PRRG2: variants seen among roughly 807,000 people sequenced by gnomAD.
PRRG2 encodes proline rich and Gla domain 2.
A neutral mutation model predicts 27.1 loss-of-function variants in PRRG2; 23 were observed. That is an observed-to-expected ratio of 0.85 (90% CI 0.61 to 1.20). The LOEUF is 1.20. Among genes scored for constraint, PRRG2 ranks in the 50% most tolerant of loss-of-function variants. The probability of loss-of-function intolerance (pLI) is 0.00; values close to 1 mark genes in which losing one functional copy is unlikely to be tolerated. For synonymous variants in PRRG2, 104 were observed against 103.4 expected, an observed-to-expected ratio of 1.01 and a Z score of -0.03; for missense variants, 276 against 254.8, an observed-to-expected ratio of 1.08 and a Z score of -0.57.
chr19:49,584,054 G>A (rs1160660256), intron 4 of PRRG2, 102 bp downstream of exon 4: 23 of 1,262,244 alleles, frequency 1.8e-5, no homozygotes, highest in Middle Eastern at 2.5e-4. Context: ...TACAAGAATC[G>A]TCTGCCCCCC....
rs773545194 is a variant in PRRG2 at position 49,590,409 on chromosome 19, G to T, written c.*20G>T. Reference sequence around the variant, plus strand: ...CACTGAAGAGCTGCTTTCGAGACCCGGCTCTCCGAACCGTGCCCCTGATTC... The same window carrying T: ...CACTGAAGAGCTGCTTTCGAGACCCTGCTCTCCGAACCGTGCCCCTGATTC... On this transcript the variant is annotated 3_prime_UTR_variant, in exon 7 of 7. Coordinates refer to ENST00000246794, the MANE Select transcript of PRRG2 (RefSeq NM_000951.3). 6.2e-7 allele frequency: 1 copy of T among 1,614,060 alleles called. No individual in the cohort carries two copies. The highest frequency in any genetic ancestry group is 1.7e-5 in the Admixed American group (1 of 60,000).
At chr19:49,588,461 C>T in intron 4 of PRRG2, 36 bp from the exon 5 acceptor site, 1 of 1,567,750 alleles carries the variant, frequency 6.4e-7, no homozygotes. Flanking sequence ...GTGGCAGTCC[C>T]CGAGACAGTG....
In PRRG2 at chr19:49,590,460, C is replaced by T. The variant is rs1455398180; in HGVS notation, c.*71C>T. ...ATACCGGATTCCGGAAGCCGCTAGG[C>T]CTCATAGACGCCGAAGCTGGACTTG... On this transcript the variant is annotated 3_prime_UTR_variant, in exon 7 of 7. Coordinates refer to ENST00000246794, the MANE Select transcript of PRRG2 (RefSeq NM_000951.3). 1.0e-5 allele frequency: 16 copies of T among 1,597,726 alleles called. No individual in the cohort carries two copies. Among genetic ancestry groups the T allele is most frequent in the Non-Finnish European group, 1.4e-5 (16 of 1,167,304 alleles).
Position 49,589,904 on chromosome 19 carries a change from G to C in PRRG2, c.442G>C (p.Gly148Arg), listed in dbSNP as rs1323280455. The change falls in exon 6 of 7, where the codon GGG (glycine) becomes CGG (arginine). Residue 148 changes from glycine (G) to arginine (R), a missense_variant. By Grantham distance (125) the Gly-to-Arg change is moderately radical (BLOSUM62 -2). Transcript: ENST00000246794. ...RGQQPCPQEA[G>R]LISPLSPLNP... ...CTGTACCTTTGCTGTCCCCAGGGCC[G>C]GGCTCATTAGCCCTCTGAGTCCTTT... The C allele has an allele frequency of 6.2e-7, 1 of 1,613,090 alleles. No homozygotes were observed. The highest frequency in any genetic ancestry group is 2.2e-5 in the East Asian group (1 of 44,876).
In PRRG2 at chr19:49,583,552, G is replaced by A. The variant is rs1010633482; in HGVS notation, c.96G>A (p.Leu32=). ...PSEETDQEVF[L]GPPEAQSFLS... ...TGTCTTTGGGTCCAGAAGTCTTCCT[G>A]GGTCCCCCAGAGGCCCAGAGCTTCC... The change falls in exon 3 of 7, where the codon CTG becomes CTA. Residue 32 remains leucine, a synonymous_variant. Transcript: ENST00000246794. The A allele has an allele frequency of 3.7e-6, 6 of 1,613,978 alleles. No individual in the cohort carries two copies. The highest frequency in any genetic ancestry group is 5.1e-6 in the Non-Finnish European group (6 of 1,179,998).
intron 6 of PRRG2, 56 bp from the exon 7 acceptor site, chr19:49,590,315 A>C (rs7249925): frequency 5.6e-6 from 9 of 1,612,792 alleles, no homozygotes; most frequent in South Asian, 4.4e-5. Flanking sequence ...TCCTGGTTGA[A>C]GGGGGGAGAA....
chr19:49,580,761 C>T (rs538554384), upstream of PRRG2: 3 of 152,276 alleles, frequency 2.0e-5, no homozygotes, highest in East Asian at 5.8e-4. Context: ...ATGGGGAACG[C>T]TTACTATGTA....
chr19:49,582,048 T>C (rs990102701), intron 1 of PRRG2, among the ~76,000 whole-genome samples: 1 of 151,696 alleles, frequency 6.6e-6, no homozygotes, highest in Non-Finnish European at 1.5e-5. Flanking sequence ...GAGACCAGCC[T>C]GGCCAACATG....
chr19:49,590,387 T>TGAAGAGCTGCTTTCGA lies in PRRG2; in HGVS notation c.*1_*16dup. On this transcript the variant is annotated frameshift_variant and stop_retained_variant, in exon 7 of 7. Coordinates refer to ENST00000246794, the MANE Select transcript of PRRG2 (RefSeq NM_000951.3). LOFTEE classifies it high-confidence loss of function. ...CTCTTGCAGCCTCAGGAGGCCTCACTGAAGAGCTGCTTTCGAGACCCGGCT... is the reference window on the plus strand; with the variant it reads ...CTCTTGCAGCCTCAGGAGGCCTCACTGAAGAGCTGCTTTCGAGAAGAGCTGCTTTCGAGACCCGGCT... 6.2e-7 allele frequency: 1 copy of TGAAGAGCTGCTTTCGA among 1,614,106 alleles called. No homozygotes were observed. Among genetic ancestry groups the TGAAGAGCTGCTTTCGA allele is most frequent in the African/African-American group, 1.3e-5 (1 of 75,022 alleles).
Position 49,590,559 on chromosome 19 carries a change from G to C in PRRG2, c.*170G>C. 1 of 892,780 alleles carries C rather than the reference G, an allele frequency of 1.1e-6. No homozygotes were observed. Among genetic ancestry groups the C allele is most frequent in the Non-Finnish European group, 1.7e-6 (1 of 571,892 alleles). 55.3% of individuals were successfully genotyped at this position (892,780 alleles called of 1,614,324 possible). ...GGCACACGCGTTTCCGCCGCGTATG[G>C]ATATACACATGTTTTCGGCAACGTG... is the stretch of plus-strand genomic sequence containing the variant. On this transcript the variant is annotated 3_prime_UTR_variant, in exon 7 of 7. Transcript: ENST00000246794.
At chr19:49,589,837 C>A in intron 5 of PRRG2, 63 bp from the exon 6 acceptor site, 1 of 1,566,412 alleles carries the variant, frequency 6.4e-7, no homozygotes, top group African/African-American at 1.3e-5. Context: ...GATCCCCTCT[C>A]TTCCTCCCTA....
At chr19:49,590,309 G>A in intron 6 of PRRG2, 62 bp from the exon 7 acceptor site, 1 of 1,612,604 alleles carries the variant, frequency 6.2e-7, no homozygotes, top group East Asian at 2.2e-5. Flanking sequence ...GAGTGGTCCT[G>A]GTTGAAGGGG....
At chr19:49,583,122 G>A (rs1451192768) in intron 1 of PRRG2, 85 bp from the exon 2 acceptor site, 16 of 1,075,092 alleles carry the variant, frequency 1.5e-5, no homozygotes, top group Non-Finnish European at 1.8e-5. Flanking sequence ...ATTGCCATTC[G>A]TGGACCACAG....
At chr19:49,584,240 G>A (rs562193220) in intron 4 of PRRG2, among the ~76,000 whole-genome samples, 4 of 149,898 alleles carry the variant, frequency 2.7e-5, no homozygotes, top group East Asian at 2.0e-4. Flanking sequence ...GTGCGATCTC[G>A]GCTCACTGCA....
At chr19:49,589,373 G>A (rs1169574632) in intron 5 of PRRG2, among the ~76,000 whole-genome samples, 6 of 150,728 alleles carry the variant, frequency 4.0e-5, no homozygotes, top group African/African-American at 9.8e-5. Context: ...TGATCTGCCC[G>A]CCTTGGCCTC....
chr19:49,583,433 G>C (rs768462894), intron 2 of PRRG2, 109 bp from the exon 3 acceptor site: 4 of 1,508,664 alleles, frequency 2.7e-6, no homozygotes, highest in Middle Eastern at 3.6e-4. Context: ...CCAGGAATCT[G>C]GATTCCCAGC....
intron 5 of PRRG2, among the ~76,000 whole-genome samples, chr19:49,589,418 G>A (rs963373553): frequency 6.9e-6 from 1 of 145,866 alleles, no homozygotes; most frequent in Admixed American, 6.9e-5. Context: ...GAGCCACCAC[G>A]CCTGGCCCTT....
intron 4 of PRRG2, among the ~76,000 whole-genome samples, chr19:49,584,669 G>A (rs1009635904): frequency 9.2e-5 from 14 of 152,138 alleles, no homozygotes; most frequent in African/African-American, 3.4e-4. Context: ...TCACTATGTG[G>A]CCCAGGCTGG....
At chr19:49,583,136 C>G in intron 1 of PRRG2, 71 bp from the exon 2 acceptor site, 1 of 1,273,400 alleles carries the variant, frequency 7.9e-7, no homozygotes, top group East Asian at 2.3e-5. Context: ...ACCACAGAGG[C>G]CAGTCAGAGA....
Sources: gnomAD v4.1 joint callset for allele counts (sites outside exome capture counted in the v4.1 genomes callset) on GRCh38, gnomAD v4.1.1 for gene constraint, MANE v1.5 for transcripts, NCBI Gene and HGNC (gene_info 2026-07-23, HGNC 2026-07-21) for gene names.